Variants in ZNF461 observed in about 807,000 individuals in gnomAD.
The protein encoded by ZNF461 is zinc finger protein 461.
A neutral mutation model predicts 18.3 loss-of-function variants in ZNF461; 16 were observed. The observed-to-expected ratio is 0.88, with a 90% CI of 0.59 to 1.33. ZNF461 has a LOEUF of 1.33. ZNF461 is among the 40% of genes most tolerant of loss of function. The pLI, the probability that ZNF461 is intolerant of heterozygous loss-of-function variation, is 0.00. For missense variants in ZNF461, 595 were observed against 669.9 expected (o/e 0.89, Z 1.23); for synonymous variants, 179 against 216.9 (o/e 0.83, Z 1.54).
At chr19:36,646,578 G>A (rs2037532322) in intron 4 of ZNF461, among the ~76,000 whole-genome samples, 1 of 152,174 alleles carries the variant, frequency 6.6e-6, no homozygotes, top group Non-Finnish European at 1.5e-5. Flanking sequence ...AAGTCTGGAA[G>A]ATCTGCATAA....
intron 4 of ZNF461, among the ~76,000 whole-genome samples, chr19:36,645,536 T>G (rs2037510852): frequency 6.6e-6 from 1 of 152,196 alleles, no homozygotes; most frequent in African/African-American, 2.4e-5. Context: ...CAATTAAAAT[T>G]TATATATTTA....
In ZNF461 at chr19:36,639,211, A is replaced by C. The variant is rs201928296; in HGVS notation, c.1134T>G (p.Ile378Met). The change falls in exon 6 of 6, where the codon ATT becomes ATG. Residue 378 changes from isoleucine (I) to methionine (M), a missense_variant. Transcript: ENST00000588268. ...HRSHLTIHQR[I>M]HTGEKPYECR... The stretch of plus-strand genomic sequence containing the variant: ...ATTCATAGGGTTTCTCACCAGTATG[A>C]ATTCTCTGATGTATAGTAAGATGTG... 1.8e-4 allele frequency: 287 copies of C among 1,614,048 alleles called. No individual in the cohort carries two copies. The highest frequency in any genetic ancestry group is 2.4e-4 in the Non-Finnish European group (282 of 1,180,042).
chr19:36,657,043 C>T (rs895301241), intron 3 of ZNF461, among the ~76,000 whole-genome samples: 2 of 151,704 alleles, frequency 1.3e-5, no homozygotes, highest in Non-Finnish European at 2.9e-5. Context: ...TGGTCTCAAA[C>T]TCCTGGCCTC....
chr19:36,659,814 C>G (rs900190539), intron 2 of ZNF461, among the ~76,000 whole-genome samples: 17 of 152,168 alleles, frequency 1.1e-4, no homozygotes, highest in Non-Finnish European at 1.5e-5. Flanking sequence ...GCTGTTCAAT[C>G]TAAAACCGGA....
chr19:36,654,580 C>G (rs2037684661), intron 4 of ZNF461, among the ~76,000 whole-genome samples: 1 of 151,992 alleles, frequency 6.6e-6, no homozygotes, highest in Non-Finnish European at 1.5e-5. Context: ...CTATATTGCC[C>G]AGACTGGTCT....
chr19:36,665,766 G>GC (rs2037909023), intron 1 of ZNF461, among the ~76,000 whole-genome samples: 1 of 143,804 alleles, frequency 7.0e-6, no homozygotes, highest in Non-Finnish European at 1.5e-5. Context: ...CCAAATCTCA[G>GC]AAAAAAAAAA....
intron 4 of ZNF461, among the ~76,000 whole-genome samples, chr19:36,653,603 A>G (rs1268022414): frequency 6.6e-6 from 1 of 152,170 alleles, no homozygotes; most frequent in African/African-American, 2.4e-5. Context: ...ATGACAGCAG[A>G]CAGGAGAGAA....
intron 2 of ZNF461, among the ~76,000 whole-genome samples, chr19:36,661,303 T>C (rs1177898208): frequency 6.6e-6 from 1 of 150,684 alleles, no homozygotes; most frequent in Admixed American, 6.6e-5. Context: ...GAGTACCCAA[T>C]TGTAATATGT....
intron 1 of ZNF461, among the ~76,000 whole-genome samples, chr19:36,666,451 CA>C (rs2037941828): frequency 6.6e-6 from 1 of 152,116 alleles, no homozygotes; most frequent in Admixed American, 6.6e-5. Context: ...TAGCCATTCA[CA>C]ATCATGGTCA....
chr19:36,646,016 C>T (rs1282927170), intron 4 of ZNF461, among the ~76,000 whole-genome samples: 1 of 151,922 alleles, frequency 6.6e-6, no homozygotes, highest in Non-Finnish European at 1.5e-5. Flanking sequence ...AACTTCTGAC[C>T]TCATGATCCA....
chr19:36,650,455 G>C (rs762951407), intron 4 of ZNF461, among the ~76,000 whole-genome samples: 2 of 151,986 alleles, frequency 1.3e-5, no homozygotes, highest in Non-Finnish European at 1.5e-5. Context: ...TAATTAAAAA[G>C]CTCCCAAAAA....
intron 4 of ZNF461, among the ~76,000 whole-genome samples, chr19:36,652,220 G>A (rs957554069): frequency 2.6e-5 from 4 of 152,092 alleles, no homozygotes; most frequent in Middle Eastern, 3.4e-3. Context: ...GGCCAGGCAC[G>A]GTGGCACATG....
At chr19:36,653,817 G>T (rs557650315) in intron 4 of ZNF461, among the ~76,000 whole-genome samples, 1 of 152,216 alleles carries the variant, frequency 6.6e-6, no homozygotes, top group African/African-American at 2.4e-5. Flanking sequence ...ATATCACAAG[G>T]GTTAGGAAAA....
chr19:36,643,764 T>C (rs755484946), intron 5 of ZNF461, 30 bp downstream of exon 5: 82 of 1,501,380 alleles, frequency 5.5e-5, no homozygotes, highest in Non-Finnish European at 7.1e-5. Flanking sequence ...GTACTTCTAC[T>C]GTACTCTTAA....
chr19:36,640,162 A>G (rs1448047557), intron 5 of ZNF461, 119 bp from the exon 6 acceptor site: 1 of 898,358 alleles, frequency 1.1e-6, no homozygotes, highest in African/African-American at 1.7e-5. Flanking sequence ...AGGCTTGGAG[A>G]ACTCTTAAAT....
intron 4 of ZNF461, 124 bp from the exon 5 acceptor site, chr19:36,643,986 G>A (rs2037475833): frequency 2.7e-6 from 2 of 740,474 alleles, no homozygotes; most frequent in Non-Finnish European, 3.7e-6. Context: ...AAGCTGGAGT[G>A]CAATCACACA....
At chr19:36,646,018 C>T (rs923904643) in intron 4 of ZNF461, among the ~76,000 whole-genome samples, 3 of 151,574 alleles carry the variant, frequency 2.0e-5, no homozygotes, top group Admixed American at 1.3e-4. Context: ...CTTCTGACCT[C>T]ATGATCCACC....
At chr19:36,658,963 T>C (rs1216071150) in intron 2 of ZNF461, among the ~76,000 whole-genome samples, 1 of 152,204 alleles carries the variant, frequency 6.6e-6, no homozygotes, top group Non-Finnish European at 1.5e-5. Flanking sequence ...TAAAGGTCTG[T>C]GCCCCCTTCT....
At position 36,640,071 on chromosome 19, in the gene ZNF461, C is replaced by T. The variant is rs542746080; in HGVS notation, c.302-28G>A. On this transcript the variant is annotated intron_variant, in intron 5 of 5. Coordinates refer to ENST00000588268, the MANE Select transcript of ZNF461 (RefSeq NM_153257.5). ...GAAAGATAAGAAATATATTTTAACT[C>T]CTGGTTTTGTACTATAAGAGAAATA... The T allele has an allele frequency of 3.2e-6, 5 of 1,556,808 alleles. No individual in the cohort carries two copies. The African/African-American group carries it at 5.5e-5, about 17-fold the overall frequency.
Sources: gnomAD v4.1 joint callset for allele counts (sites outside exome capture counted in the v4.1 genomes callset) on GRCh38, gnomAD v4.1.1 for gene constraint, MANE v1.5 for transcripts, NCBI Gene and HGNC (gene_info 2026-07-23, HGNC 2026-07-21) for gene names.